SPIN1: variants seen among roughly 807,000 people sequenced by gnomAD.
SPIN1 encodes the protein spindlin 1.
In SPIN1, 3 loss-of-function variants were observed where a neutral mutation model predicts 26.0. The observed-to-expected ratio is 0.12, with a 90% CI of 0.05 to 0.30. The LOEUF is 0.30. Ranked by LOEUF, SPIN1 falls within the 10% of genes least tolerant of loss-of-function variation. SPIN1 has a pLI of 1.00. For synonymous variants in SPIN1, 101 were observed against 116.5 expected (o/e 0.87, Z 0.86); for missense variants, 126 against 333.4 (o/e 0.38, Z 4.84).
rs1259367996 is a variant in SPIN1 at position 88,439,909 on chromosome 9, ATGT to A, written c.53-9027_53-9025del. Among the ~76,000 whole-genome samples, 5 of 152,098 alleles carry A rather than the reference ATGT, an allele frequency of 3.3e-5. No individual in the cohort carries two copies. The South Asian group carries it at 1.0e-3, about 32-fold the overall frequency. ...TTTCTTGTATCTAGCATGAAGTTGC[ATGT>A]TGTTTTTGATCCACTCTGAGTCTGT... On this transcript the variant is annotated intron_variant, in intron 2 of 5. Coordinates refer to ENST00000375859, the MANE Select transcript of SPIN1 (RefSeq NM_006717.3).
At chr9:88,397,286 G>T (rs919949828) in intron 1 of SPIN1, among the ~76,000 whole-genome samples, 15 of 152,186 alleles carry the variant, frequency 9.9e-5, no homozygotes, top group South Asian at 4.1e-4. Flanking sequence ...GTGGTCTGTT[G>T]TGTTGACAGA....
chr9:88,405,470 G>T (rs1375617908), intron 1 of SPIN1, among the ~76,000 whole-genome samples: 3 of 149,642 alleles, frequency 2.0e-5, no homozygotes, highest in Non-Finnish European at 4.4e-5. Flanking sequence ...CTCGTGATCC[G>T]CCCACCTCGC....
intron 1 of SPIN1, among the ~76,000 whole-genome samples, chr9:88,409,011 T>TGTGTGTGTGTGTGTGTGTGTG (rs1827377740): frequency 1.0e-5 from 1 of 97,450 alleles, no homozygotes; most frequent in African/African-American, 1.0e-4. Flanking sequence ...GTGTGTGTGT[T>TGTGTGTGTGTGTGTGTGTGTG]TGAGATGAAT....
chr9:88,450,905 C>T (rs998777715), intron 3 of SPIN1, among the ~76,000 whole-genome samples: 2 of 152,028 alleles, frequency 1.3e-5, no homozygotes, highest in East Asian at 3.9e-4. Flanking sequence ...GAAGAGGCTG[C>T]CTGGTGGGGA....
intron 1 of SPIN1, among the ~76,000 whole-genome samples, chr9:88,389,197 C>G (rs1328759914): frequency 2.0e-5 from 3 of 152,186 alleles, no homozygotes; most frequent in Admixed American, 2.0e-4. Flanking sequence ...TCCTGATGCG[C>G]CGTCTCTTCG....
At chr9:88,405,221 A>G (rs565331557) in intron 1 of SPIN1, among the ~76,000 whole-genome samples, 1 of 152,232 alleles carries the variant, frequency 6.6e-6, no homozygotes, top group Admixed American at 6.5e-5. Context: ...ACGTAATTGT[A>G]CTATACTTTT....
chr9:88,406,862 C>T (rs573914963), intron 1 of SPIN1, among the ~76,000 whole-genome samples: 4 of 152,150 alleles, frequency 2.6e-5, no homozygotes, highest in Non-Finnish European at 5.9e-5. Flanking sequence ...TCCTCCTCTC[C>T]TGGATACTCT....
At chr9:88,438,609 C>CTT (rs1828055868) in intron 2 of SPIN1, among the ~76,000 whole-genome samples, 1 of 152,100 alleles carries the variant, frequency 6.6e-6, no homozygotes, top group Non-Finnish European at 1.5e-5. Flanking sequence ...TTTGATGGTG[C>CTT]TTGTTGAGTT....
intron 4 of SPIN1, among the ~76,000 whole-genome samples, chr9:88,464,344 T>A (rs184627705): frequency 7.2e-5 from 11 of 152,356 alleles, no homozygotes; most frequent in African/African-American, 2.4e-4. Flanking sequence ...AAAAAATTAC[T>A]TGCTCTTCAC....
At chr9:88,473,048 A>G (rs1363408480) in intron 5 of SPIN1, among the ~76,000 whole-genome samples, 1 of 152,158 alleles carries the variant, frequency 6.6e-6, no homozygotes, top group Non-Finnish European at 1.5e-5. Context: ...GTTAGTTAAC[A>G]TACTAATTTC....
At chr9:88,468,317 G>A in intron 4 of SPIN1, 55 bp from the exon 5 acceptor site, 1 of 1,315,656 alleles carries the variant, frequency 7.6e-7, no homozygotes. Context: ...AGTCTTCATA[G>A]TCGGTAATCA....
intron 1 of SPIN1, among the ~76,000 whole-genome samples, chr9:88,414,749 G>T (rs1196199261): frequency 6.6e-6 from 1 of 152,184 alleles, no homozygotes; most frequent in Non-Finnish European, 1.5e-5. Flanking sequence ...ACGCATTCAT[G>T]ATAGAAGGAA....
chr9:88,471,905 A>G (rs972845150), intron 5 of SPIN1, among the ~76,000 whole-genome samples: 1 of 151,528 alleles, frequency 6.6e-6, no homozygotes, highest in Non-Finnish European at 1.5e-5. Flanking sequence ...ATCTCGGCTC[A>G]TTGCAACCTC....
rs1159926969 is a variant in SPIN1, at chr9:88,427,929, G to A, written c.52+1338G>A. On this transcript the variant is annotated intron_variant, in intron 2 of 5. Transcript: ENST00000375859. ...ATGGGACTATTAATGTACCTATTGG[G>A]GTTAAGGACTAAATGAGATGTGAGT... Among the ~76,000 whole-genome samples, 3 of 152,094 alleles carry A rather than the reference G, an allele frequency of 2.0e-5. 1 individual carries two copies. The highest frequency in any genetic ancestry group is 4.4e-5 in the Non-Finnish European group (3 of 68,016).
chr9:88,417,728 C>T (rs993461692), intron 1 of SPIN1, among the ~76,000 whole-genome samples: 2 of 152,072 alleles, frequency 1.3e-5, no homozygotes, highest in Non-Finnish European at 2.9e-5. Context: ...TGGCTTTGGC[C>T]TGCAAAGTGC....
chr9:88,395,851 A>G (rs184558576), intron 1 of SPIN1, among the ~76,000 whole-genome samples: 1 of 151,944 alleles, frequency 6.6e-6, no homozygotes, highest in African/African-American at 2.4e-5. Flanking sequence ...GTTCAAGAAC[A>G]GCCTGACCAA....
chr9:88,460,705 T>C (rs530238032), intron 3 of SPIN1, among the ~76,000 whole-genome samples: 2 of 152,142 alleles, frequency 1.3e-5, no homozygotes, highest in Non-Finnish European at 2.9e-5. Context: ...AAGGGGTAAA[T>C]TCCTCCCTCC....
intron 1 of SPIN1, among the ~76,000 whole-genome samples, chr9:88,424,238 G>C (rs1587789601): frequency 6.6e-6 from 1 of 152,164 alleles, no homozygotes. Context: ...GTGGTAAAGT[G>C]ATGAGTAGTT....
chr9:88,453,785 C>T (rs1486874556), intron 3 of SPIN1, among the ~76,000 whole-genome samples: 1 of 152,212 alleles, frequency 6.6e-6, no homozygotes, highest in Non-Finnish European at 1.5e-5. Flanking sequence ...CTTGGCCTCT[C>T]AAAGTGCTGG....
Sources: allele counts gnomAD v4.1 joint callset (sites outside exome capture counted in the v4.1 genomes callset), GRCh38; gene constraint gnomAD v4.1.1; transcripts MANE v1.5; gene names NCBI Gene and HGNC (gene_info 2026-07-23, HGNC 2026-07-21).